Variants in RHOBTB1 observed in about 807,000 individuals in gnomAD.
RHOBTB1 encodes the protein Rho related BTB domain containing 1, also known as rho-related BTB domain-containing protein 1.
In RHOBTB1, 40 loss-of-function variants were observed where a neutral mutation model predicts 71.6. The observed-to-expected ratio is 0.56, with a 90% CI of 0.43 to 0.73. The LOEUF is 0.73. Among genes scored for constraint, RHOBTB1 ranks in the 30% least tolerant of loss-of-function variants. The pLI is 0.00. For synonymous variants in RHOBTB1, 319 were observed against 334.9 expected, an observed-to-expected ratio of 0.95 and a Z score of 0.52; for missense variants, 797 against 894.0, an observed-to-expected ratio of 0.89 and a Z score of 1.38.
intron 2 of RHOBTB1, among the ~76,000 whole-genome samples, chr10:60,962,574 T>C (rs531597279): frequency 2.6e-5 from 4 of 152,318 alleles, no homozygotes; most frequent in African/African-American, 9.6e-5. Context: ...GCAAATTATA[T>C]AGTATTTTTT....
At chr10:60,965,879 G>A (rs1254798243) in intron 2 of RHOBTB1, among the ~76,000 whole-genome samples, 2 of 151,982 alleles carry the variant, frequency 1.3e-5, no homozygotes, top group Non-Finnish European at 2.9e-5. Flanking sequence ...TTCATTGTTC[G>A]AAAATTTGAG....
chr10:60,868,908 A>T (rs780495592), downstream of RHOBTB1, among the ~76,000 whole-genome samples: 1 of 152,206 alleles, frequency 6.6e-6, no homozygotes, highest in Non-Finnish European at 1.5e-5. Flanking sequence ...GCACCTTCCC[A>T]TACAGTTATG....
chr10:60,903,409 C>T (rs1056568387), intron 4 of RHOBTB1, among the ~76,000 whole-genome samples: 1 of 152,170 alleles, frequency 6.6e-6, no homozygotes, highest in African/African-American at 2.4e-5. Flanking sequence ...CACTTGATCA[C>T]TCAACTCGGC....
chr10:60,876,633 C>CA lies in RHOBTB1; in HGVS notation c.1726+1274dup, dbSNP rs2081065923. ...CATGTTTCTGAAAAAAGTAATTGCC[C>CA]ATGGAAGCCTCCCAGAGTGAGTATT... On this transcript the variant is annotated intron_variant, in intron 8 of 10. Coordinates refer to ENST00000337910, the MANE Select transcript of RHOBTB1 (RefSeq NM_014836.5). Among the ~76,000 whole-genome samples the CA allele has an allele frequency of 3.9e-5, 6 of 152,130 alleles. No homozygotes were observed. In the South Asian group the frequency reaches 1.2e-3, roughly 32 times the overall value.
At chr10:60,868,313 T>C (rs1304182875), downstream of RHOBTB1, among the ~76,000 whole-genome samples, 2 of 152,146 alleles carry the variant, frequency 1.3e-5, no homozygotes, top group African/African-American at 4.8e-5. Context: ...CATCTATCTA[T>C]CTATCATCTA....
intron 7 of RHOBTB1, among the ~76,000 whole-genome samples, chr10:60,879,901 T>C (rs988038494): frequency 2.0e-5 from 3 of 152,080 alleles, no homozygotes; most frequent in Non-Finnish European, 4.4e-5. Context: ...ATCAAAAATA[T>C]TTGAAAAATA....
intron 2 of RHOBTB1, among the ~76,000 whole-genome samples, chr10:60,978,614 G>C (rs909262434): frequency 2.9e-4 from 44 of 152,274 alleles, no homozygotes; most frequent in African/African-American, 9.9e-4. Context: ...AGGCTATCAA[G>C]CTGCTCAAAA....
intron 2 of RHOBTB1, among the ~76,000 whole-genome samples, chr10:60,930,061 C>T (rs765324320): frequency 6.6e-6 from 1 of 151,840 alleles, no homozygotes; most frequent in Non-Finnish European, 1.5e-5. Context: ...ATAATATGAA[C>T]AAAAAAATCT....
the RHOBTB1 span, among the ~76,000 whole-genome samples, chr10:60,861,476 A>T: frequency 2.0e-5 from 3 of 152,106 alleles, no homozygotes; most frequent in Non-Finnish European, 4.4e-5. Flanking sequence ...ATTATCTTTA[A>T]CCTGGCAGGC....
At chr10:60,902,149 G>A (rs928114680) in intron 4 of RHOBTB1, among the ~76,000 whole-genome samples, 3 of 152,184 alleles carry the variant, frequency 2.0e-5, no homozygotes, top group African/African-American at 4.8e-5. Context: ...TTCAGAGCGC[G>A]AAGGACAGTG....
At chr10:60,956,433 T>C (rs1040775190) in intron 2 of RHOBTB1, among the ~76,000 whole-genome samples, 1 of 152,194 alleles carries the variant, frequency 6.6e-6, no homozygotes. Context: ...GGCTACACTA[T>C]ATTCATAAGA....
chr10:60,881,013 T>C (rs1288475776), intron 7 of RHOBTB1, among the ~76,000 whole-genome samples: 1 of 143,594 alleles, frequency 7.0e-6, no homozygotes, highest in African/African-American at 2.6e-5. Flanking sequence ...GCTCCCATAA[T>C]TCCCACGTGT....
Position 60,880,177 on chromosome 10 carries a change from C to CTCTGTGTGTGTGTG in RHOBTB1, c.1576-2120_1576-2119insCACACACACACAGA, listed in dbSNP as rs370670323. On this transcript the variant is annotated intron_variant, in intron 7 of 10. Coordinates refer to ENST00000337910, the MANE Select transcript of RHOBTB1 (RefSeq NM_014836.5). ...GTCCCTCACAGATACTGAGGGATGA[C>CTCTGTGTGTGTGTG]TGTGTGTGTGTGTGTGTGTGTGTGT... 2.9e-3 allele frequency among the ~76,000 whole-genome samples: 286 copies of CTCTGTGTGTGTGTG among 100,036 alleles called. 3 individuals carry two copies. Among genetic ancestry groups the CTCTGTGTGTGTGTG allele is most frequent in the African/African-American group, 9.6e-3 (225 of 23,372 alleles). 65.6% of individuals were successfully genotyped at this position (100,036 alleles called of 152,430 possible).
intron 1 of RHOBTB1, among the ~76,000 whole-genome samples, chr10:60,993,841 T>C (rs2086951614): frequency 6.6e-6 from 1 of 151,970 alleles, no homozygotes; most frequent in Non-Finnish European, 1.5e-5. Context: ...ACTGTAAAAA[T>C]ATGAGCATTA....
intron 10 of RHOBTB1, among the ~76,000 whole-genome samples, chr10:60,871,868 C>G (rs2080803885): frequency 6.6e-6 from 1 of 152,178 alleles, no homozygotes; most frequent in African/African-American, 2.4e-5. Flanking sequence ...GAACCCAGGA[C>G]CACCTGATTT....
At chr10:60,979,355 A>G (rs892443140) in intron 2 of RHOBTB1, among the ~76,000 whole-genome samples, 1 of 152,174 alleles carries the variant, frequency 6.6e-6, no homozygotes, top group Admixed American at 6.5e-5. Flanking sequence ...CTAAAATGCA[A>G]ACTTACCTAG....
chr10:60,953,095 A>G (rs1221866516), intron 2 of RHOBTB1, among the ~76,000 whole-genome samples: 1 of 152,190 alleles, frequency 6.6e-6, no homozygotes, highest in African/African-American at 2.4e-5. Context: ...ATAAAATGGG[A>G]AAGTCATGCG....
chr10:60,918,337 C>A (rs904684143), intron 2 of RHOBTB1, among the ~76,000 whole-genome samples: 3 of 152,142 alleles, frequency 2.0e-5, no homozygotes, highest in Non-Finnish European at 4.4e-5. Flanking sequence ...CCCAACCCAA[C>A]CTTCAGTCTT....
upstream of RHOBTB1, among the ~76,000 whole-genome samples, chr10:60,945,492 AG>A (rs2085186307): frequency 6.6e-6 from 1 of 152,132 alleles, no homozygotes; most frequent in Admixed American, 6.5e-5. Flanking sequence ...AAATTCTAAA[AG>A]CAAACACACT....
Sources: gnomAD v4.1 joint callset for allele counts (sites outside exome capture counted in the v4.1 genomes callset) on GRCh38, gnomAD v4.1.1 for gene constraint, MANE v1.5 for transcripts, NCBI Gene and HGNC (gene_info 2026-07-23, HGNC 2026-07-21) for gene names.